Variants in BST1 observed in about 807,000 individuals in gnomAD.
The protein encoded by BST1 is ADP-ribosyl cyclase/cyclic ADP-ribose hydrolase 2.
In BST1, 49 loss-of-function variants were observed where a neutral mutation model predicts 40.6. That is an observed-to-expected ratio of 1.21 (90% CI 0.96 to 1.53). BST1 has a LOEUF of 1.53. Ranked by LOEUF, BST1 falls within the 40% of genes most tolerant of loss-of-function variation. The pLI is 0.00. For missense variants in BST1, 423 were observed against 395.9 expected (o/e 1.07, Z -0.58); for synonymous variants, 157 against 159.3 (o/e 0.99, Z 0.11).
the BST1 span, among the ~76,000 whole-genome samples, chr4:15,762,904 T>C: frequency 6.6e-6 from 1 of 152,048 alleles, no homozygotes; most frequent in Non-Finnish European, 1.5e-5. Flanking sequence ...GGCTGAGTAA[T>C]ATTCTATTGT....
downstream of BST1, among the ~76,000 whole-genome samples, chr4:15,734,988 T>C (rs1721503530): frequency 6.6e-6 from 1 of 152,052 alleles, no homozygotes; most frequent in South Asian, 2.1e-4. Flanking sequence ...TAGACACTGG[T>C]GTGTATTGTA....
chr4:15,749,008 G>A, the BST1 span, among the ~76,000 whole-genome samples: 1 of 152,196 alleles, frequency 6.6e-6, no homozygotes, highest in Admixed American at 6.5e-5. Flanking sequence ...TACCAAGCAA[G>A]TTGTCACTGA....
intron 5 of BST1, 103 bp downstream of exon 5, chr4:15,715,464 C>T (rs764053261): frequency 9.6e-5 from 118 of 1,229,106 alleles, no homozygotes; most frequent in Non-Finnish European, 1.2e-4. Context: ...CCATCTCATG[C>T]GTGCTTCTGT....
intron 8 of BST1, chr4:15,731,285 A>T: frequency 2.0e-6 from 1 of 506,412 alleles, no homozygotes; most frequent in South Asian, 2.0e-5. Flanking sequence ...TTGATCAGAG[A>T]CTCTGAGGCC....
the BST1 span, among the ~76,000 whole-genome samples, chr4:15,754,646 A>G: frequency 6.6e-6 from 1 of 152,224 alleles, no homozygotes; most frequent in Non-Finnish European, 1.5e-5. Flanking sequence ...AGCATGCCTG[A>G]AAAGATGGAA....
At chr4:15,703,633 G>GTGTGT (rs755066994) in intron 1 of BST1, among the ~76,000 whole-genome samples, 52 of 127,608 alleles carry the variant, frequency 4.1e-4, no homozygotes, top group Admixed American at 6.2e-4. Context: ...AGGTGAGGGG[G>GTGTGT]GTGTGTGTGT....
At chr4:15,750,561 A>T in the BST1 span, among the ~76,000 whole-genome samples, 912 of 152,328 alleles carry the variant, frequency 6.0e-3, 5 homozygotes, top group African/African-American at 0.018. Context: ...ATCCAGAACT[A>T]TGCTGTCCAG....
chr4:15,724,684 C>T (rs1721003005), intron 8 of BST1, among the ~76,000 whole-genome samples: 2 of 149,962 alleles, frequency 1.3e-5, no homozygotes, highest in African/African-American at 5.0e-5. Context: ...GAAACTCCAT[C>T]TCAAAAAATA....
chr4:15,769,540 G>C, the BST1 span, among the ~76,000 whole-genome samples: 1 of 152,104 alleles, frequency 6.6e-6, no homozygotes, highest in Non-Finnish European at 1.5e-5. Context: ...AGATGCTCAG[G>C]CTCAAAGAGC....
the BST1 span, among the ~76,000 whole-genome samples, chr4:15,755,463 A>G: frequency 6.6e-6 from 1 of 152,298 alleles, no homozygotes; most frequent in East Asian, 1.9e-4. Context: ...ACAATGCTGC[A>G]ATGACTAATC....
At chr4:15,750,929 G>A in the BST1 span, among the ~76,000 whole-genome samples, 1 of 152,110 alleles carries the variant, frequency 6.6e-6, no homozygotes, top group Non-Finnish European at 1.5e-5. Flanking sequence ...AATGAATGGT[G>A]TGCAATATCA....
chr4:15,765,375 G>T, the BST1 span, among the ~76,000 whole-genome samples: 1 of 151,904 alleles, frequency 6.6e-6, no homozygotes, highest in Non-Finnish European at 1.5e-5. Flanking sequence ...CCCAGTGCAA[G>T]GCACCATCAT....
At chr4:15,766,910 G>C in the BST1 span, among the ~76,000 whole-genome samples, 5 of 151,394 alleles carry the variant, frequency 3.3e-5, no homozygotes, top group South Asian at 1.0e-3. Context: ...ACAATCCCTG[G>C]ACCAACCAAT....
chr4:15,754,008 G>A, the BST1 span, among the ~76,000 whole-genome samples: 2 of 152,294 alleles, frequency 1.3e-5, no homozygotes, highest in Admixed American at 6.5e-5. Flanking sequence ...CCTTCCTTTG[G>A]GAGAGCCTCC....
At chr4:15,704,671 C>T (rs113544287) in intron 1 of BST1, among the ~76,000 whole-genome samples, 9 of 152,122 alleles carry the variant, frequency 5.9e-5, no homozygotes, top group African/African-American at 2.2e-4. Context: ...GGTAACAGCC[C>T]ATTGCCACCC....
At chr4:15,737,671 C>G, downstream of BST1, 1 of 615,100 alleles carries the variant, frequency 1.6e-6, no homozygotes, top group East Asian at 6.8e-5. Flanking sequence ...TGGGTGGGCA[C>G]ATGAAGAACT....
intron 8 of BST1, among the ~76,000 whole-genome samples, chr4:15,725,947 C>CTTTTTTT (rs1206237130): frequency 5.3e-4 from 32 of 60,152 alleles, no homozygotes; most frequent in Non-Finnish European, 7.4e-4. Flanking sequence ...GAAGTGCGGT[C>CTTTTTTT]TTTTTTTTTT....
At chr4:15,717,327 C>G (rs1351956887) in intron 6 of BST1, among the ~76,000 whole-genome samples, 2 of 152,190 alleles carry the variant, frequency 1.3e-5, no homozygotes, top group Non-Finnish European at 2.9e-5. Flanking sequence ...TACACTCCCC[C>G]TCTATTAATT....
At chr4:15,736,058 A>G, downstream of BST1, 1 of 1,287,814 alleles carries the variant, frequency 7.8e-7, no homozygotes, top group Non-Finnish European at 1.0e-6. Context: ...TATAGACCCA[A>G]GAGGCTATGT....
Sources: gnomAD v4.1 joint callset for allele counts (sites outside exome capture counted in the v4.1 genomes callset) on GRCh38, gnomAD v4.1.1 for gene constraint, MANE v1.5 for transcripts, NCBI Gene and HGNC (gene_info 2026-07-23, HGNC 2026-07-21) for gene names.